LIMA1: variants seen among roughly 807,000 people sequenced by gnomAD.
LIMA1 encodes the protein LIM domain and actin-binding protein 1.
Under a neutral mutation model 62.6 loss-of-function variants are expected in LIMA1, and 52 were observed. The ratio of observed to expected loss-of-function variants is 0.83; its 90% CI spans 0.67 to 1.05. LIMA1 has a LOEUF of 1.05. LIMA1 is among the 50% of genes least tolerant of loss of function. The pLI is 0.00. For missense variants in LIMA1, 780 were observed against 902.2 expected, an observed-to-expected ratio of 0.86 and a Z score of 1.74; for synonymous variants, 302 against 317.8, an observed-to-expected ratio of 0.95 and a Z score of 0.53.
At chr12:50,233,610 C>T (rs774896920) in intron 2 of LIMA1, among the ~76,000 whole-genome samples, 4 of 152,298 alleles carry the variant, frequency 2.6e-5, no homozygotes, top group Admixed American at 6.5e-5. Flanking sequence ...CTGCAATCTC[C>T]GCCTCCCGGG....
At position 50,244,061 on chromosome 12, in the gene LIMA1, C is replaced by T. The variant is rs190548417; in HGVS notation, c.119+4572G>A. Among the ~76,000 whole-genome samples, 53 of 147,450 alleles carry T rather than the reference C, an allele frequency of 3.6e-4. No homozygotes were observed. The East Asian group carries it at 6.7e-3, about 19-fold the overall frequency. On this transcript the variant is annotated intron_variant, in intron 2 of 10. Transcript: ENST00000341247. ...TCCCAAGTAGCTGGGATTACAGGCA[C>T]GCACCACCACCGCCCAGCTAAATTT...
intron 9 of LIMA1, among the ~76,000 whole-genome samples, chr12:50,183,329 C>T (rs937770365): frequency 2.0e-5 from 3 of 152,054 alleles, no homozygotes; most frequent in Non-Finnish European, 4.4e-5. Context: ...CCAGTAGATG[C>T]GGGAGACAGC....
chr12:50,237,534 G>A lies in LIMA1; in HGVS notation c.120-5824C>T, dbSNP rs565506261. On this transcript the variant is annotated intron_variant, in intron 2 of 10. Coordinates refer to ENST00000341247, the MANE Select transcript of LIMA1 (RefSeq NM_016357.5). ...TGCCTGTAGTCCCAGCAACTCGAGC[G>A]GCTGAGGCACGAGAATCCTTTGAAT... is the stretch of plus-strand genomic sequence containing the variant. Among the ~76,000 whole-genome samples, 10 of 152,246 alleles carry A rather than the reference G, an allele frequency of 6.6e-5. No homozygotes were observed. In the South Asian group the frequency reaches 1.7e-3, roughly 25 times the overall value.
intron 3 of LIMA1, among the ~76,000 whole-genome samples, chr12:50,223,479 T>A (rs1225982194): frequency 7.9e-6 from 1 of 126,674 alleles, no homozygotes. Context: ...TGAGACGCCA[T>A]CCCCCAACCA....
chr12:50,195,446 A>G (rs1267216296), intron 8 of LIMA1, among the ~76,000 whole-genome samples: 1 of 152,186 alleles, frequency 6.6e-6, no homozygotes, highest in African/African-American at 2.4e-5. Context: ...GATTATTCAA[A>G]TACTTATTCA....
chr12:50,181,703 C>T (rs1391120674), intron 10 of LIMA1, among the ~76,000 whole-genome samples: 1 of 152,190 alleles, frequency 6.6e-6, no homozygotes, highest in Non-Finnish European at 1.5e-5. Context: ...TGTAAATTAA[C>T]ATATCAATAC....
chr12:50,259,495 C>T (rs568714389), intron 1 of LIMA1, among the ~76,000 whole-genome samples: 33 of 152,254 alleles, frequency 2.2e-4, no homozygotes, highest in African/African-American at 7.7e-4. Flanking sequence ...AAACTGAATG[C>T]TTATCCTGCA....
intron 3 of LIMA1, among the ~76,000 whole-genome samples, chr12:50,228,105 G>A (rs1038403996): frequency 2.0e-5 from 3 of 152,058 alleles, no homozygotes; most frequent in African/African-American, 7.2e-5. Flanking sequence ...TGATCCGCCC[G>A]CCTCGGCCTC....
chr12:50,185,922 T>C (rs898768872), intron 9 of LIMA1: 1 of 155,902 alleles, frequency 6.4e-6, no homozygotes, highest in Non-Finnish European at 1.4e-5. Context: ...CTTTTCAATA[T>C]TATTTAAGGT....
chr12:50,231,234 T>C lies in LIMA1; in HGVS notation c.165+431A>G, dbSNP rs900261137. 5.9e-5 allele frequency among the ~76,000 whole-genome samples: 9 copies of C among 152,142 alleles called. No individual in the cohort carries two copies. In the East Asian group the frequency reaches 1.7e-3, roughly 29 times the overall value. ...TCCTGCAGCTAGGAAACTTGCTAAC[T>C]AGATTGGGTCAAGAAGTTTGCTTTA... On this transcript the variant is annotated intron_variant, in intron 3 of 10. Transcript: ENST00000341247.
chr12:50,280,988 A>C (rs561425477), intron 1 of LIMA1, among the ~76,000 whole-genome samples: 6 of 152,320 alleles, frequency 3.9e-5, no homozygotes, highest in African/African-American at 9.6e-5. Flanking sequence ...TATCTGCAGA[A>C]AGGGTACAAT....
chr12:50,252,247 G>C (rs1243087717), intron 1 of LIMA1, among the ~76,000 whole-genome samples: 2 of 152,134 alleles, frequency 1.3e-5, no homozygotes, highest in African/African-American at 4.8e-5. Flanking sequence ...AGCACCTTTG[G>C]GGAGTGAGTT....
At chr12:50,281,404 G>A (rs1035857283) in intron 1 of LIMA1, among the ~76,000 whole-genome samples, 3 of 152,158 alleles carry the variant, frequency 2.0e-5, no homozygotes, top group Non-Finnish European at 4.4e-5. Context: ...TCACCAAGAT[G>A]TGAATTGTTT....
chr12:50,227,040 C>T (rs985433028), intron 3 of LIMA1, among the ~76,000 whole-genome samples: 40 of 150,816 alleles, frequency 2.7e-4, no homozygotes, highest in African/African-American at 7.1e-4. Flanking sequence ...TTATTCATCC[C>T]GATTTCACCC....
chr12:50,191,108 CAAAA>C (rs745749669), intron 9 of LIMA1, among the ~76,000 whole-genome samples: 4 of 46,682 alleles, frequency 8.6e-5, no homozygotes, highest in African/African-American at 6.8e-5. Context: ...GAACCTGTCT[CAAAA>C]AAAAAAAAAA....
intron 2 of LIMA1, among the ~76,000 whole-genome samples, chr12:50,245,683 C>T (rs1941837974): frequency 6.6e-6 from 1 of 151,150 alleles, no homozygotes; most frequent in Admixed American, 6.6e-5. Flanking sequence ...TCTGCCTTAC[C>T]CCAAATGCTA....
At chr12:50,185,264 C>A in intron 9 of LIMA1, 2 of 413,774 alleles carry the variant, frequency 4.8e-6, no homozygotes, top group South Asian at 3.5e-5. Context: ...TAAAGGGGAA[C>A]TGAAGGACGC....
chr12:50,254,145 T>G (rs2138654288), intron 1 of LIMA1, among the ~76,000 whole-genome samples: 1 of 152,274 alleles, frequency 6.6e-6, no homozygotes, highest in East Asian at 1.9e-4. Flanking sequence ...TTCAGTCATA[T>G]GCATTCTACT....
chr12:50,204,843 C>A, intron 5 of LIMA1, 143 bp from the exon 6 acceptor site: 1 of 695,930 alleles, frequency 1.4e-6, no homozygotes, highest in Non-Finnish European at 2.4e-6. Context: ...CCTCAGCCTC[C>A]CAAAGCGCTG....
Sources: allele counts gnomAD v4.1 joint callset (sites outside exome capture counted in the v4.1 genomes callset), GRCh38; gene constraint gnomAD v4.1.1; transcripts MANE v1.5; gene names NCBI Gene and HGNC (gene_info 2026-07-23, HGNC 2026-07-21).